Variants in STPG4 observed in about 807,000 individuals in gnomAD.
STPG4 encodes sperm-tail PG-rich repeat containing 4.
STPG4 carries 41 observed loss-of-function variants against 31.5 expected under a neutral mutation model. The observed-to-expected ratio is 1.30, with a 90% confidence interval of 1.01 to 1.69. The LOEUF (loss-of-function observed/expected upper bound fraction) is 1.69, where lower values mean the gene tolerates loss of function less well. Among genes scored for constraint, STPG4 ranks in the 40% most tolerant of loss-of-function variants. The pLI, the probability that STPG4 is intolerant of heterozygous loss-of-function variation, is 0.00. For missense variants in STPG4, 375 were observed against 293.4 expected, an observed-to-expected ratio of 1.28 and a Z score of -2.03; for synonymous variants, 141 against 103.0, an observed-to-expected ratio of 1.37 and a Z score of -2.24.
intron 5 of STPG4, among the ~76,000 whole-genome samples, chr2:47,093,550 C>G (rs989402372): frequency 3.7e-4 from 57 of 152,328 alleles, no homozygotes; most frequent in African/African-American, 1.3e-3. Flanking sequence ...TGATGGCCAT[C>G]TGCAGAATGG....
At chr2:47,107,027 CAGGA>C (rs985744011) in intron 5 of STPG4, among the ~76,000 whole-genome samples, 1 of 151,980 alleles carries the variant, frequency 6.6e-6, no homozygotes, top group Non-Finnish European at 1.5e-5. Flanking sequence ...CCCTCTCCAG[CAGGA>C]AGTAGCTAGA....
At chr2:47,126,332 C>A (rs935028321) in intron 5 of STPG4, among the ~76,000 whole-genome samples, 5 of 151,148 alleles carry the variant, frequency 3.3e-5, no homozygotes, top group Admixed American at 1.3e-4. Flanking sequence ...TCTCCTTCTC[C>A]TTCTTCTTCT....
chr2:47,096,003 A>G (rs1685662307), intron 5 of STPG4, among the ~76,000 whole-genome samples: 1 of 152,182 alleles, frequency 6.6e-6, no homozygotes, highest in African/African-American at 2.4e-5. Context: ...GATGCAGTAG[A>G]GTTACCACAA....
chr2:47,145,026 A>G (rs1573197677), intron 3 of STPG4, among the ~76,000 whole-genome samples: 1 of 152,256 alleles, frequency 6.6e-6, no homozygotes, highest in Non-Finnish European at 1.5e-5. Context: ...CACCGTGCCC[A>G]GCCACAGAAG....
chr2:47,090,691 A>T (rs1685553693), intron 5 of STPG4, among the ~76,000 whole-genome samples: 1 of 152,190 alleles, frequency 6.6e-6, no homozygotes, highest in Non-Finnish European at 1.5e-5. Flanking sequence ...CCGTTCCCTC[A>T]CAGCAGCATG....
intron 6 of STPG4, 31 bp downstream of exon 6, chr2:47,090,239 T>G: frequency 1.4e-6 from 2 of 1,444,002 alleles, no homozygotes; most frequent in Non-Finnish European, 1.9e-6. Context: ...CCCCTAGGGG[T>G]GGGGGGCGAT....
rs1253367166 is a variant in STPG4 at position 47,151,507 on chromosome 2, A to G, written c.150T>C (p.Pro50=). The change falls in exon 3 of 7, where the codon CCT becomes CCC. Residue 50 remains proline (P), a synonymous_variant. Transcript: ENST00000445927. ...GWWRIALTDT[P]IPGTYHLKTF... is the part of the protein sequence containing the mutation. ...TTTTCAAGTGGTAAGTGCCAGGTATAGGAGTATCCTGTGGAAAATTGACAT... is the reference window on the plus strand; with the variant it reads ...TTTTCAAGTGGTAAGTGCCAGGTATGGGAGTATCCTGTGGAAAATTGACAT... The G allele has an allele frequency of 1.2e-6, 2 of 1,613,036 alleles. No individual in the cohort carries two copies. The highest frequency in any genetic ancestry group is 2.2e-5 in the South Asian group (2 of 90,980).
chr2:47,128,974 A>C (rs1458114709), intron 5 of STPG4: 1 of 152,354 alleles, frequency 6.6e-6, no homozygotes, highest in Admixed American at 6.5e-5. Flanking sequence ...TCGAAGCCCA[A>C]GGGCTCTTTA....
intron 3 of STPG4, among the ~76,000 whole-genome samples, chr2:47,142,082 T>C (rs1686723608): frequency 6.6e-6 from 1 of 151,532 alleles, no homozygotes. Context: ...ATTCTGCAAA[T>C]TAATCTATTT....
intron 5 of STPG4, among the ~76,000 whole-genome samples, chr2:47,113,219 T>G (rs1686077123): frequency 6.6e-6 from 1 of 152,208 alleles, no homozygotes; most frequent in African/African-American, 2.4e-5. Context: ...CAGAAGATGA[T>G]GACGAACTAC....
intron 5 of STPG4, among the ~76,000 whole-genome samples, chr2:47,094,729 G>C (rs75678047): frequency 0.01 from 1,534 of 152,304 alleles, 26 homozygotes; most frequent in African/African-American, 0.034. Context: ...TGTGATCCCA[G>C]TGGGTTACGG....
At chr2:47,152,827 A>G (rs1015513124) in intron 2 of STPG4, 130 bp downstream of exon 2, 5 of 552,556 alleles carry the variant, frequency 9.0e-6, no homozygotes, top group African/African-American at 2.0e-5. Flanking sequence ...TAAGTATGAC[A>G]TGAGGTCCAT....
chr2:47,122,951 G>T (rs7597874), intron 5 of STPG4, among the ~76,000 whole-genome samples: 17,189 of 151,930 alleles, frequency 0.11, 1,038 homozygotes, highest in Non-Finnish European at 0.12. Flanking sequence ...TCAGCCTCCT[G>T]AGTAGCTGGG....
At chr2:47,093,071 G>T (rs1003121026) in intron 5 of STPG4, among the ~76,000 whole-genome samples, 1 of 152,176 alleles carries the variant, frequency 6.6e-6, no homozygotes, top group Admixed American at 6.5e-5. Flanking sequence ...GATTACAGGT[G>T]TGAGACACCG....
chr2:47,116,767 G>C (rs956756542), intron 5 of STPG4, among the ~76,000 whole-genome samples: 1 of 152,166 alleles, frequency 6.6e-6, no homozygotes, highest in African/African-American at 2.4e-5. Flanking sequence ...CATTTTGGGA[G>C]CTTATGCATT....
intron 5 of STPG4, among the ~76,000 whole-genome samples, chr2:47,116,722 T>G: frequency 6.6e-6 from 1 of 152,222 alleles, no homozygotes. Context: ...GATAGGTCAC[T>G]AATGCCTTAG....
In STPG4 at chr2:47,090,440, G is replaced by T. The variant is rs1033719751; in HGVS notation, c.520-66C>A. 1.1e-5 allele frequency: 11 copies of T among 1,038,442 alleles called. No homozygotes were observed. The Admixed American group carries it at 1.3e-4, about 12-fold the overall frequency. The allele number at this position is 1,038,442 out of a possible 1,614,324, so 64.3% of individuals were successfully genotyped here. On this transcript the variant is annotated intron_variant, in intron 5 of 6. Coordinates refer to ENST00000445927, the MANE Select transcript of STPG4 (RefSeq NM_001163561.2). ...TTTGATATATTTTAAGGCTTTATTT[G>T]CCTTCTACAAATAAACATATGAATC...
chr2:47,151,387 A>G lies in STPG4; in HGVS notation c.270T>C (p.Asn90=), dbSNP rs1449954520. The G allele has an allele frequency of 6.2e-7, 1 of 1,614,178 alleles. No individual in the cohort carries two copies. Among genetic ancestry groups the G allele is most frequent in the South Asian group, 1.1e-5 (1 of 91,082 alleles). The change falls in exon 3 of 7, where the codon AAT becomes AAC. Residue 90 remains asparagine (N), a synonymous_variant. Coordinates refer to ENST00000445927, the MANE Select transcript of STPG4 (RefSeq NM_001163561.2). ...ACTGCGGAAGATCATTTAGGACTGG[A>G]TTGTTTCTTTGCACAAGAGGTGGCT... ...RKKPPLVQRN[N]PVLNDLPQYM...
chr2:47,140,112 G>C (rs1251208962), intron 3 of STPG4, among the ~76,000 whole-genome samples: 3 of 151,956 alleles, frequency 2.0e-5, no homozygotes, highest in Non-Finnish European at 4.4e-5. Context: ...ACCTCTCTCT[G>C]GTATAGACTC....
Sources: allele counts gnomAD v4.1 joint callset (sites outside exome capture counted in the v4.1 genomes callset), GRCh38; gene constraint gnomAD v4.1.1; transcripts MANE v1.5; gene names NCBI Gene and HGNC (gene_info 2026-07-23, HGNC 2026-07-21).